The following BAIAP2 variants were observed in gnomAD, a reference collection of about 807,000 sequenced individuals.
BAIAP2 encodes BAR/IMD domain containing adaptor protein 2, also known as BAR/IMD domain-containing adapter protein 2.
In BAIAP2, 18 loss-of-function variants were observed where a neutral mutation model predicts 63.0. That is an observed-to-expected ratio of 0.29 (90% CI 0.20 to 0.42). The LOEUF is 0.42. Among genes scored for constraint, BAIAP2 ranks in the 10% least tolerant of loss-of-function variants. The pLI is 1.00. For missense variants in BAIAP2, 610 were observed against 734.3 expected (o/e 0.83, Z 1.96); for synonymous variants, 386 against 307.6 (o/e 1.25, Z -2.67).
intron 3 of BAIAP2, chr17:81,076,592 A>G (rs2053699778): frequency 6.6e-6 from 1 of 152,244 alleles, no homozygotes; most frequent in South Asian, 2.1e-4. Context: ...CTGTTCTTGC[A>G]GCAGCACTGT....
At chr17:81,036,250 T>C (rs8078224) in intron 1 of BAIAP2, among the ~76,000 whole-genome samples, 139,318 of 152,272 alleles carry the variant, frequency 0.91, 63,814 homozygotes, top group African/African-American at 0.96. Context: ...AAACCCCTGC[T>C]CTGGGTGTCC....
In BAIAP2 at chr17:81,086,436, A is replaced by C. The variant is rs1227094863; in HGVS notation, c.352-7A>C. The C allele has an allele frequency of 1.9e-6, 3 of 1,613,482 alleles. No individual in the cohort carries two copies. In the Admixed American group the frequency reaches 5.0e-5, roughly 27 times the overall value. On this transcript the variant is annotated splice_polypyrimidine_tract_variant and splice_region_variant and intron_variant, in intron 5 of 13. Transcript: ENST00000428708. ...CTTGGTTTTGTGTTTTATTGTTTGAATCTCAGGCTGCGCTGAAGAAATACC... is the reference window on the plus strand; with the variant it reads ...CTTGGTTTTGTGTTTTATTGTTTGACTCTCAGGCTGCGCTGAAGAAATACC...
intron 1 of BAIAP2, among the ~76,000 whole-genome samples, chr17:81,045,444 T>C: frequency 6.6e-6 from 1 of 152,102 alleles, no homozygotes; most frequent in East Asian, 1.9e-4. Flanking sequence ...GTCCCTGTCC[T>C]GGGACCTCCC....
At chr17:81,105,949 C>T (rs984618638) in intron 10 of BAIAP2, 129 bp from the exon 11 acceptor site, 7 of 752,080 alleles carry the variant, frequency 9.3e-6, no homozygotes, top group South Asian at 6.9e-5. Flanking sequence ...GGAGCACTGT[C>T]TCTGTTGCTC....
chr17:81,074,669 G>T (rs2053345561), intron 3 of BAIAP2, among the ~76,000 whole-genome samples: 1 of 147,244 alleles, frequency 6.8e-6, no homozygotes, highest in African/African-American at 2.5e-5. Context: ...TGCGTGCACG[G>T]ATGCGTATGA....
chr17:81,087,320 C>T (rs2055854013), intron 6 of BAIAP2, among the ~76,000 whole-genome samples: 1 of 152,194 alleles, frequency 6.6e-6, no homozygotes, highest in Non-Finnish European at 1.5e-5. Context: ...CCAGGCCGCA[C>T]CCTTCCTGCT....
chr17:81,075,513 A>C (rs1598650062), intron 3 of BAIAP2, among the ~76,000 whole-genome samples: 1 of 152,164 alleles, frequency 6.6e-6, no homozygotes, highest in East Asian at 1.9e-4. Flanking sequence ...AGGGATGAGC[A>C]GTTAATCCTT....
chr17:81,036,952 T>A, intron 1 of BAIAP2: 1 of 1,535,812 alleles, frequency 6.5e-7, no homozygotes, highest in Admixed American at 2.0e-5. Context: ...GTGGTGAGAG[T>A]TGGCAGGGGG....
At chr17:81,061,692 T>G (rs961384550) in intron 3 of BAIAP2, among the ~76,000 whole-genome samples, 25 of 152,194 alleles carry the variant, frequency 1.6e-4, no homozygotes, top group Admixed American at 7.9e-4. Context: ...ACCTGGGTGT[T>G]TTTAGCTTGG....
chr17:81,106,912 GTGGGCGGGGCCGGGGC>G lies in BAIAP2; in HGVS notation c.1500+10_1500+25del. 1 of 1,523,734 alleles carries G rather than the reference GTGGGCGGGGCCGGGGC, an allele frequency of 6.6e-7. No homozygotes were observed. The highest frequency in any genetic ancestry group is 8.8e-7 in the Non-Finnish European group (1 of 1,133,880). The allele number at this position is 1,523,734 out of a possible 1,614,324, so 94.4% of individuals were successfully genotyped here. On this transcript the variant is annotated splice_donor_region_variant and intron_variant, in intron 12 of 13. Coordinates refer to ENST00000428708, the MANE Select transcript of BAIAP2 (RefSeq NM_001144888.2). ...GCCGTGCCCGCCTTCTCCCAGGTCA[GTGGGCGGGGCCGGGGC>G]TGGGAGGGGCCCGCAGGTGGAACAG...
rs142441235 is a variant in BAIAP2 at position 81,098,321 on chromosome 17, A to AACTCCCCCTCACTCCCCCTC, written c.490-1597_490-1596insACTCCCCCTCACTCCCCCTC. The stretch of plus-strand genomic sequence containing the variant: ...AGCTTCTTCGCCACTCTCTCCCCCA[A>AACTCCCCCTCACTCCCCCTC]ACTCCCCCTCTCCAGTTTCCTCCCG... On this transcript the variant is annotated intron_variant, in intron 6 of 13. Coordinates refer to ENST00000428708, the MANE Select transcript of BAIAP2 (RefSeq NM_001144888.2). 33 of 607,346 alleles carry AACTCCCCCTCACTCCCCCTC rather than the reference A, an allele frequency of 5.4e-5. No individual in the cohort carries two copies. The Middle Eastern group carries it at 2.1e-3, about 39-fold the overall frequency. The allele number at this position is 607,346 out of a possible 1,614,324, so 37.6% of individuals were successfully genotyped here. A position where few individuals can be genotyped will look rare whatever the true frequency, so the allele number is the denominator to read the frequency against.
intron 4 of BAIAP2, chr17:81,085,395 G>C: frequency 3.1e-6 from 2 of 638,626 alleles, no homozygotes; most frequent in South Asian, 3.4e-5. Flanking sequence ...GGAAGGAGGG[G>C]ATGGCCGTTT....
intron 6 of BAIAP2, chr17:81,098,024 A>G (rs2057925476): frequency 1.9e-6 from 2 of 1,051,680 alleles, no homozygotes; most frequent in Non-Finnish European, 2.4e-6. Flanking sequence ...CAGCTGTGCC[A>G]TAGGGCTGTG....
At chr17:81,114,953 T>G (rs1374992228) in intron 13 of BAIAP2, among the ~76,000 whole-genome samples, 5 of 152,226 alleles carry the variant, frequency 3.3e-5, no homozygotes, top group Non-Finnish European at 7.3e-5. Context: ...TGCTGCGTCT[T>G]CATGTCCACG....
intron 6 of BAIAP2, among the ~76,000 whole-genome samples, chr17:81,093,868 G>T (rs997507037): frequency 1.4e-4 from 22 of 152,206 alleles, no homozygotes; most frequent in Non-Finnish European, 1.5e-5. Flanking sequence ...CGACGTGCGG[G>T]GGGTGTGAAG....
intron 3 of BAIAP2, among the ~76,000 whole-genome samples, chr17:81,068,480 G>A (rs533189773): frequency 1.3e-5 from 2 of 152,238 alleles, no homozygotes; most frequent in Admixed American, 6.5e-5. Context: ...TTTGGCCCCA[G>A]CTGTAGGAGG....
chr17:81,073,960 G>T (rs115514546), intron 3 of BAIAP2, among the ~76,000 whole-genome samples: 177 of 152,290 alleles, frequency 1.2e-3, no homozygotes, highest in African/African-American at 4.2e-3. Context: ...CTTCCAATAG[G>T]TGGAATGCTG....
intron 3 of BAIAP2, among the ~76,000 whole-genome samples, chr17:81,081,876 G>A (rs561533194): frequency 1.3e-5 from 2 of 152,226 alleles, no homozygotes; most frequent in Non-Finnish European, 2.9e-5. Flanking sequence ...GGGCCACACA[G>A]CAGGGACCAG....
chr17:81,098,962 GTCCCCCCA>G (rs57728912), intron 6 of BAIAP2, among the ~76,000 whole-genome samples: 11,195 of 136,854 alleles, frequency 0.082, 995 homozygotes, highest in African/African-American at 0.24. Flanking sequence ...CATTCTCCCC[GTCCCCCCA>G]TCCCCCCATC....
Sources: gnomAD v4.1 joint callset for allele counts (sites outside exome capture counted in the v4.1 genomes callset) on GRCh38, gnomAD v4.1.1 for gene constraint, MANE v1.5 for transcripts, NCBI Gene and HGNC (gene_info 2026-07-23, HGNC 2026-07-21) for gene names.